The following NUP210L variants were observed in gnomAD, a reference collection of about 807,000 sequenced individuals.
NUP210L encodes nucleoporin 210 like.
Under a neutral mutation model 208.5 loss-of-function variants are expected in NUP210L, and 74 were observed. The observed-to-expected ratio is 0.35, with a 90% CI of 0.29 to 0.43. The LOEUF (loss-of-function observed/expected upper bound fraction) is 0.43, where lower values mean the gene tolerates loss of function less well. Among genes scored for constraint, NUP210L ranks in the 20% least tolerant of loss-of-function variants. The probability of loss-of-function intolerance (pLI) is 1.00; values close to 1 mark genes in which losing one functional copy is unlikely to be tolerated. For synonymous variants in NUP210L, 780 were observed against 816.9 expected (o/e 0.95, Z 0.77); for missense variants, 1,843 against 2,289.4 (o/e 0.81, Z 3.98).
intron 11 of NUP210L, 145 bp from the exon 12 acceptor site, chr1:154,118,025 C>A (rs17366139): frequency 0.08 from 50,696 of 633,854 alleles, 2,637 homozygotes; most frequent in Non-Finnish European, 0.1. Flanking sequence ...AACTGTGACA[C>A]TAGGCTGGGC....
chr1:154,122,580 G>A (rs984964827), intron 10 of NUP210L, among the ~76,000 whole-genome samples: 11 of 152,094 alleles, frequency 7.2e-5, no homozygotes, highest in African/African-American at 1.9e-4. Flanking sequence ...GTGTGAACTC[G>A]GGAGGTGGAG....
intron 8 of NUP210L, among the ~76,000 whole-genome samples, chr1:154,128,910 G>C (rs984817383): frequency 6.6e-6 from 1 of 152,106 alleles, no homozygotes; most frequent in Non-Finnish European, 1.5e-5. Flanking sequence ...CTGTAGACAA[G>C]AAGAAACCAT....
chr1:154,140,350 C>CAAAAAAAA (rs375907073), intron 4 of NUP210L, among the ~76,000 whole-genome samples: 1 of 71,586 alleles, frequency 1.4e-5, no homozygotes, highest in Non-Finnish European at 2.8e-5. Context: ...GACTCCGTCT[C>CAAAAAAAA]AAAAAAAAAA....
At chr1:154,028,897 C>T (rs931166668) in intron 28 of NUP210L, among the ~76,000 whole-genome samples, 1 of 151,214 alleles carries the variant, frequency 6.6e-6, no homozygotes, top group African/African-American at 2.4e-5. Context: ...GAGTTTGAGA[C>T]CAGCCTGGAC....
intron 10 of NUP210L, among the ~76,000 whole-genome samples, chr1:154,120,325 T>C (rs558775925): frequency 1.3e-5 from 2 of 152,220 alleles, no homozygotes; most frequent in South Asian, 2.1e-4. Flanking sequence ...ATGTCCTTTG[T>C]AGGGACATGG....
In NUP210L at chr1:154,066,556, A is replaced by G. The variant is rs535869008; in HGVS notation, c.2554+3717T>C. ...AACCCGGGAGGCGAAGCTTGCAGTG[A>G]GCTGAGATAGTGCCCCTGCACTCCG... On this transcript the variant is annotated intron_variant, in intron 17 of 39. Coordinates refer to ENST00000368559, the Ensembl canonical transcript of NUP210L. Among the ~76,000 whole-genome samples, 10 of 152,334 alleles carry G rather than the reference A, an allele frequency of 6.6e-5. No individual in the cohort carries two copies. In the East Asian group the frequency reaches 1.9e-3, roughly 29 times the overall value.
At chr1:154,146,074 T>C (rs1659096027) in intron 2 of NUP210L, among the ~76,000 whole-genome samples, 1 of 152,104 alleles carries the variant, frequency 6.6e-6, no homozygotes, top group Admixed American at 6.6e-5. Context: ...CCAGGACTCC[T>C]TGAAGAAATG....
At chr1:154,019,649 G>A (rs553371978) in intron 32 of NUP210L, among the ~76,000 whole-genome samples, 3 of 152,076 alleles carry the variant, frequency 2.0e-5, no homozygotes, top group East Asian at 1.9e-4. Context: ...AAAATAGGCC[G>A]GGCACGGTGG....
chr1:154,060,995 C>T lies in NUP210L; in HGVS notation c.2695G>A (p.Asp899Asn), dbSNP rs200466409. The T allele has an allele frequency of 3.0e-4, 477 of 1,613,866 alleles. No individual in the cohort carries two copies. The highest frequency in any genetic ancestry group is 3.8e-4 in the Non-Finnish European group (445 of 1,179,826). Residue 899 changes from aspartate to asparagine, a missense_variant, in exon 19 of 40, where the codon GAT (aspartate) becomes AAT (asparagine). Around this residue, in one of 5 missense-constraint regions of NUP210L, gnomAD observed 408 missense variants for 600.8 expected, o/e 0.68. Transcript: ENST00000368559. Reference sequence around the variant, plus strand: ...GCATTCTCAGGCACTACAGTTACATCATCTACCAGGAGCAGTTCCACATCT... The same window carrying T: ...GCATTCTCAGGCACTACAGTTACATTATCTACCAGGAGCAGTTCCACATCT...
intron 32 of NUP210L, among the ~76,000 whole-genome samples, chr1:154,020,786 A>G (rs1427487167): frequency 6.6e-6 from 1 of 151,242 alleles, no homozygotes; most frequent in Admixed American, 6.6e-5. Context: ...CAGCCTCCCA[A>G]AGTGCTGGGG....
intron 16 of NUP210L, among the ~76,000 whole-genome samples, chr1:154,081,182 G>T (rs1034548818): frequency 6.6e-6 from 1 of 150,956 alleles, no homozygotes; most frequent in African/African-American, 2.4e-5. Flanking sequence ...AAATGGCCCA[G>T]CTATATGTTG....
rs190904682 is a variant in NUP210L, at chr1:154,046,053, A to G, written c.3696+16T>C. Reference sequence around the variant, plus strand: ...CAAGATCCCTAAGATAACACAATAAACAGGCAAATTCTTACCTCTGAATGC... The same window carrying G: ...CAAGATCCCTAAGATAACACAATAAGCAGGCAAATTCTTACCTCTGAATGC... On this transcript the variant is annotated intron_variant, in intron 27 of 39. Coordinates refer to ENST00000368559, the Ensembl canonical transcript of NUP210L. 1 of 1,607,950 alleles carries G rather than the reference A, an allele frequency of 6.2e-7. No homozygotes were observed. Among genetic ancestry groups the G allele is most frequent in the East Asian group, 2.2e-5 (1 of 44,834 alleles).
rs761493363 is a variant in NUP210L, at chr1:154,054,427, T to C, written c.3304-20A>G. 1.1e-5 allele frequency: 18 copies of C among 1,611,742 alleles called. No individual in the cohort carries two copies. The highest frequency in any genetic ancestry group is 9.9e-5 in the South Asian group (9 of 90,990). ...CATTACCTGGAATTTAAATATACCATTGAATGCCTAGAACATGAGGGAGAA... is the reference window on the plus strand; with the variant it reads ...CATTACCTGGAATTTAAATATACCACTGAATGCCTAGAACATGAGGGAGAA... On this transcript the variant is annotated intron_variant, in intron 24 of 39. Coordinates refer to ENST00000368559, the Ensembl canonical transcript of NUP210L.
At chr1:154,138,348 A>G (rs1571319337) in intron 5 of NUP210L, 110 bp from the exon 6 acceptor site, 3 of 996,856 alleles carry the variant, frequency 3.0e-6, no homozygotes, top group Non-Finnish European at 4.2e-6. Context: ...AAAATTTTTT[A>G]TAAAGATTTT....
At chr1:154,126,812 C>G (rs1658003987) in intron 9 of NUP210L, among the ~76,000 whole-genome samples, 1 of 152,040 alleles carries the variant, frequency 6.6e-6, no homozygotes, top group South Asian at 2.1e-4. Flanking sequence ...TATTACTACT[C>G]TCACCACTAC....
At chr1:154,131,568 TAA>T (rs565674721) in intron 7 of NUP210L, among the ~76,000 whole-genome samples, 1 of 146,460 alleles carries the variant, frequency 6.8e-6, no homozygotes, top group Non-Finnish European at 1.5e-5. Flanking sequence ...TTTCCAATCT[TAA>T]AAAAAAAAAG....
chr1:154,047,159 T>C (rs910893413), intron 25 of NUP210L, among the ~76,000 whole-genome samples: 1 of 151,948 alleles, frequency 6.6e-6, no homozygotes, highest in Non-Finnish European at 1.5e-5. Flanking sequence ...AAAATATAGT[T>C]AGAATGAAAA....
intron 12 of NUP210L, 140 bp downstream of exon 12, chr1:154,117,584 CA>C (rs796952348): frequency 0.014 from 8,007 of 557,144 alleles, no homozygotes; most frequent in South Asian, 0.021. Flanking sequence ...CATCTGTCTC[CA>C]AAAAAAAAAG....
chr1:154,034,241 G>A (rs2147949116), intron 27 of NUP210L, among the ~76,000 whole-genome samples: 1 of 152,246 alleles, frequency 6.6e-6, no homozygotes, highest in Admixed American at 6.5e-5. Flanking sequence ...TTTCAGAATA[G>A]TTTGAGTAGG....
Sources: gnomAD v4.1 joint callset for allele counts (sites outside exome capture counted in the v4.1 genomes callset) on GRCh38, gnomAD v4.1.1 for gene constraint, gnomAD v4.1.1 regional missense constraint, MANE v1.5 for transcripts, NCBI Gene and HGNC (gene_info 2026-07-23, HGNC 2026-07-21) for gene names.